Variants in FKBP15 observed in about 807,000 individuals in gnomAD.
FKBP15 encodes the protein FKBP prolyl isomerase family member 15.
In FKBP15, 106 loss-of-function variants were observed where a neutral mutation model predicts 158.1. The ratio of observed to expected loss-of-function variants is 0.67; its 90% CI spans 0.57 to 0.79. The LOEUF (loss-of-function observed/expected upper bound fraction) is 0.79, where lower values mean the gene tolerates loss of function less well. Among genes scored for constraint, FKBP15 ranks in the 30% least tolerant of loss-of-function variants. The pLI is 0.00. For missense variants in FKBP15, 1,287 were observed against 1,479.1 expected, an observed-to-expected ratio of 0.87 and a Z score of 2.13; for synonymous variants, 547 against 548.6, an observed-to-expected ratio of 1.00 and a Z score of 0.04.
chr9:113,196,380 ACTTTTTT>A (rs1564174231), intron 9 of FKBP15, among the ~76,000 whole-genome samples: 3 of 127,442 alleles, frequency 2.4e-5, no homozygotes, highest in Non-Finnish European at 1.6e-5. Context: ...TGAAGAAGTG[ACTTTTTT>A]TTTTTTTTTT....
intron 2 of FKBP15, among the ~76,000 whole-genome samples, 187 bp from the exon 3 acceptor site, chr9:113,207,483 T>A (rs1288856719): frequency 6.6e-6 from 1 of 151,684 alleles, no homozygotes; most frequent in Non-Finnish European, 1.5e-5. Flanking sequence ...GGGATTCCAG[T>A]TGCGTGCCAC....
At chr9:113,175,973 A>G (rs1830293035) in intron 21 of FKBP15, among the ~76,000 whole-genome samples, 1 of 152,216 alleles carries the variant, frequency 6.6e-6, no homozygotes, top group Non-Finnish European at 1.5e-5. Context: ...TCAAATATGT[A>G]GCCTTCCCTT....
Position 113,187,844 on chromosome 9 carries a change from C to T in FKBP15, c.1332G>A (p.Val444=), listed in dbSNP as rs200977022. The part of the protein sequence containing the change: ...LQAPSAALMQ[V]SSLDSHSAVS... ...CAGCTGAGTGGGAATCGAGAGATGA[C>T]ACTTGCATTAAGGCAGCAGAAGGTG... Residue 444 remains valine, a synonymous_variant, in exon 14 of 28, where the codon GTG becomes GTA. Coordinates refer to ENST00000238256, the MANE Select transcript of FKBP15 (RefSeq NM_015258.2). 4.4e-5 allele frequency: 71 copies of T among 1,613,930 alleles called. No individual in the cohort carries two copies. The African/African-American group carries it at 8.7e-4, about 20-fold the overall frequency.
At position 113,182,220 on chromosome 9, in the gene FKBP15, C is replaced by A. The variant is rs181780776; in HGVS notation, c.1914+546G>T. On this transcript the variant is annotated intron_variant, in intron 19 of 27. Transcript: ENST00000238256. ...GATCTCCTAGCTGATGAGTGGTAGCCCAAACAAGAAGGAATCCATTCAGGA... is the reference window on the plus strand; with the variant it reads ...GATCTCCTAGCTGATGAGTGGTAGCACAAACAAGAAGGAATCCATTCAGGA... 1.6e-3 allele frequency among the ~76,000 whole-genome samples: 236 copies of A among 152,072 alleles called. 1 individual carries two copies. Among genetic ancestry groups the A allele is most frequent in the African/African-American group, 5.6e-3 (232 of 41,460 alleles).
At chr9:113,176,752 T>A in intron 20 of FKBP15, 79 bp from the exon 21 acceptor site, 1 of 1,473,514 alleles carries the variant, frequency 6.8e-7, no homozygotes. Context: ...AGCTCTTTTT[T>A]TAAATTATTT....
intron 1 of FKBP15, among the ~76,000 whole-genome samples, chr9:113,217,201 GTTTTTTTTTTTTT>G (rs979783485): frequency 7.8e-5 from 7 of 89,398 alleles, no homozygotes; most frequent in African/African-American, 3.0e-4. Context: ...ACCACGCCCA[GTTTTTTTTTTTTT>G]TTTTTTTTTT....
At position 113,196,981 on chromosome 9, in the gene FKBP15, C is replaced by T. The variant is rs892193085; in HGVS notation, c.815G>A (p.Trp272Ter). The change falls in exon 9 of 28, where the codon TGG becomes TAG. Residue 272 changes from tryptophan (W) to a stop codon, truncating the protein, a stop_gained. Coordinates refer to ENST00000238256, the MANE Select transcript of FKBP15 (RefSeq NM_015258.2). LOFTEE classifies it high-confidence loss of function. ...CAGGATCGAGTCCGTTGCTTGAGTC[C>T]AGCCTATTACCCCTTCTGAGCCAAC... The part of the protein sequence containing the change: ...CAVGSEGVIG[W>*]TQATDSILVF... 3 of 1,613,870 alleles carry T rather than the reference C, an allele frequency of 1.9e-6. No individual in the cohort carries two copies. Among genetic ancestry groups the T allele is most frequent in the Non-Finnish European group, 2.5e-6 (3 of 1,179,894 alleles).
At position 113,162,613 on chromosome 9, in the gene FKBP15, A is replaced by G; in HGVS notation, c.*3465T>C. The G allele has an allele frequency of 1.4e-6, 1 of 722,904 alleles. No individual in the cohort carries two copies. The highest frequency in any genetic ancestry group is 2.9e-5 in the East Asian group (1 of 34,026). 44.8% of individuals were successfully genotyped at this position (722,904 alleles called of 1,614,324 possible). On this transcript the variant is annotated 3_prime_UTR_variant, in exon 28 of 28. Transcript: ENST00000238256. ...GGGGTGGGAGGGGCAGAAAGAAATC[A>G]CTCCTGGGTTAAGCATACAAGTTAT...
intron 9 of FKBP15, among the ~76,000 whole-genome samples, chr9:113,195,564 T>C (rs552974779): frequency 3.3e-5 from 5 of 152,272 alleles, no homozygotes; most frequent in African/African-American, 1.2e-4. Flanking sequence ...AGTGTCCAGT[T>C]AGGAACAGTT....
intron 4 of FKBP15, chr9:113,205,924 C>T (rs73550301): frequency 0.23 from 34,607 of 151,962 alleles, 4,619 homozygotes; most frequent in African/African-American, 0.36. Context: ...TCACCAAAGA[C>T]AAATACTGTT....
intron 23 of FKBP15, 106 bp downstream of exon 23, chr9:113,173,347 G>T: frequency 1.7e-6 from 2 of 1,188,710 alleles, no homozygotes; most frequent in Non-Finnish European, 1.2e-6. Context: ...TTGTCTTCTA[G>T]ATATTAATAA....
intron 4 of FKBP15, 113 bp from the exon 5 acceptor site, chr9:113,203,148 T>C: frequency 1.4e-6 from 1 of 695,036 alleles, no homozygotes; most frequent in African/African-American, 1.8e-5. Context: ...TTGTGCTTCA[T>C]ACTAAACTCA....
chr9:113,210,917 C>G (rs1830988689), intron 2 of FKBP15, among the ~76,000 whole-genome samples: 2 of 152,184 alleles, frequency 1.3e-5, no homozygotes, highest in South Asian at 4.1e-4. Flanking sequence ...TAGCGGTTGG[C>G]CAGAGGCTCT....
chr9:113,191,627 T>C (rs572520981), intron 11 of FKBP15, among the ~76,000 whole-genome samples: 2 of 148,604 alleles, frequency 1.3e-5, no homozygotes, highest in South Asian at 4.2e-4. Flanking sequence ...GAAAAGATTC[T>C]GCATTATATA....
intron 1 of FKBP15, among the ~76,000 whole-genome samples, chr9:113,215,234 A>T (rs1274526447): frequency 6.6e-6 from 1 of 152,172 alleles, no homozygotes; most frequent in Non-Finnish European, 1.5e-5. Flanking sequence ...CACAAAGCTT[A>T]ATCATTTCTA....
At chr9:113,186,066 C>A (rs7045060) in intron 15 of FKBP15, among the ~76,000 whole-genome samples, 183 bp downstream of exon 15, 124,864 of 152,204 alleles carry the variant, frequency 0.82, 51,310 homozygotes, top group South Asian at 0.89. Context: ...TTTACTAAAA[C>A]ACTTTTGAAT....
intron 11 of FKBP15, 98 bp downstream of exon 11, chr9:113,193,394 T>G: frequency 1.1e-6 from 1 of 941,362 alleles, no homozygotes; most frequent in South Asian, 1.7e-5. Context: ...AGGCTGGTCT[T>G]GAACTCCTGC....
intron 6 of FKBP15, among the ~76,000 whole-genome samples, chr9:113,202,097 T>C (rs902633120): frequency 2.6e-5 from 4 of 152,168 alleles, no homozygotes; most frequent in Admixed American, 2.6e-4. Context: ...TTTCACTATG[T>C]TGCCCAGGCT....
At chr9:113,196,870 G>A (rs1339196577) in intron 9 of FKBP15, 62 bp downstream of exon 9, 1 of 1,545,912 alleles carries the variant, frequency 6.5e-7, no homozygotes, top group East Asian at 2.3e-5. Flanking sequence ...TATTCATTTT[G>A]TGTAACTAGC....
Sources: gnomAD v4.1 joint callset for allele counts (sites outside exome capture counted in the v4.1 genomes callset) on GRCh38, gnomAD v4.1.1 for gene constraint, MANE v1.5 for transcripts, NCBI Gene and HGNC (gene_info 2026-07-23, HGNC 2026-07-21) for gene names.